Variants in FMN2 observed in about 807,000 individuals in gnomAD.
The protein encoded by FMN2 is formin-2.
Under a neutral mutation model 142.3 loss-of-function variants are expected in FMN2, and 51 were observed. The observed-to-expected ratio is 0.36, with a 90% confidence interval of 0.29 to 0.45. The LOEUF (loss-of-function observed/expected upper bound fraction) is 0.45, where lower values mean the gene tolerates loss of function less well. Among genes scored for constraint, FMN2 ranks in the 20% least tolerant of loss-of-function variants. The probability of loss-of-function intolerance (pLI) is 1.00; values close to 1 mark genes in which losing one functional copy is unlikely to be tolerated. For synonymous variants in FMN2, 882 were observed against 869.8 expected (o/e 1.01, Z -0.25); for missense variants, 1,936 against 2,122.8 (o/e 0.91, Z 1.73).
At chr1:240,148,207 G>C (rs1663571791) in intron 2 of FMN2, among the ~76,000 whole-genome samples, 1 of 148,314 alleles carries the variant, frequency 6.7e-6, no homozygotes, top group Admixed American at 7.0e-5. Flanking sequence ...GAGACAGAGA[G>C]AGAGAGACAG....
At chr1:240,119,219 C>T (rs1240101752) in intron 1 of FMN2, among the ~76,000 whole-genome samples, 2 of 151,974 alleles carry the variant, frequency 1.3e-5, no homozygotes, top group East Asian at 3.9e-4. Flanking sequence ...ATCCCGGCTA[C>T]TCAGGAGGCT....
chr1:240,231,850 C>G (rs1242932219), intron 6 of FMN2, among the ~76,000 whole-genome samples: 1 of 152,184 alleles, frequency 6.6e-6, no homozygotes, highest in African/African-American at 2.4e-5. Context: ...CCGGTCTTAT[C>G]ATCCTCTGAG....
chr1:240,404,942 C>T (rs1008580380), intron 15 of FMN2, among the ~76,000 whole-genome samples: 1 of 152,108 alleles, frequency 6.6e-6, no homozygotes, highest in Non-Finnish European at 1.5e-5. Flanking sequence ...ATAAGAGAAA[C>T]ATCAAAGAAT....
At chr1:240,389,045 A>T (rs1222916962) in intron 14 of FMN2, among the ~76,000 whole-genome samples, 1 of 152,150 alleles carries the variant, frequency 6.6e-6, no homozygotes, top group African/African-American at 2.4e-5. Flanking sequence ...TGCCATCCTG[A>T]TCATTTGAAT....
chr1:240,312,542 C>T (rs1409608569), intron 8 of FMN2, among the ~76,000 whole-genome samples: 1 of 152,094 alleles, frequency 6.6e-6, no homozygotes, highest in Non-Finnish European at 1.5e-5. Flanking sequence ...GTAAGCACTA[C>T]AAAAAACATT....
chr1:240,408,289 C>G (rs749070012), intron 15 of FMN2, among the ~76,000 whole-genome samples: 1 of 152,078 alleles, frequency 6.6e-6, no homozygotes, highest in Non-Finnish European at 1.5e-5. Context: ...ATTTGAGCAA[C>G]TAGGCCAAAC....
intron 7 of FMN2, among the ~76,000 whole-genome samples, chr1:240,268,721 C>CT (rs1668895449): frequency 6.6e-6 from 1 of 151,778 alleles, no homozygotes. Flanking sequence ...ACACTTTCAT[C>CT]TTTTTTTGCT....
chr1:240,189,174 T>TAA (rs35564573), intron 4 of FMN2, among the ~76,000 whole-genome samples: 17,735 of 146,076 alleles, frequency 0.12, 1,886 homozygotes, highest in African/African-American at 0.29. Context: ...GATTTCTTAT[T>TAA]AAAAAAAAAA....
At chr1:240,236,058 A>G (rs1667700045) in intron 6 of FMN2, among the ~76,000 whole-genome samples, 1 of 152,052 alleles carries the variant, frequency 6.6e-6, no homozygotes, top group Non-Finnish European at 1.5e-5. Context: ...CCGTTTGGAG[A>G]TAGACACAAA....
chr1:240,472,378 A>G lies in FMN2; in HGVS notation c.5067A>G (p.Lys1689=). The part of the protein sequence containing the change: ...ENKLLLQERV[K]EAEEVCRQKK... Reference sequence around the variant, plus strand: ...TGTGTCTTCTCCCCATCAGAGTAAAAGAAGCCGAAGAGGTGTGTAGACAGA... The same window carrying G: ...TGTGTCTTCTCCCCATCAGAGTAAAGGAAGCCGAAGAGGTGTGTAGACAGA... The change falls in exon 17 of 18, where the codon AAA becomes AAG. Residue 1689 remains lysine, a synonymous_variant. Transcript: ENST00000319653. 2 of 1,611,422 alleles carry G rather than the reference A, an allele frequency of 1.2e-6. No homozygotes were observed. The highest frequency in any genetic ancestry group is 1.7e-5 in the Admixed American group (1 of 59,556).
intron 6 of FMN2, among the ~76,000 whole-genome samples, chr1:240,222,466 A>T (rs189375657): frequency 1.3e-5 from 2 of 151,726 alleles, no homozygotes; most frequent in Non-Finnish European, 2.9e-5. Flanking sequence ...TGACTTGGCT[A>T]TATGGGCTCT....
At chr1:240,163,747 G>A (rs1273761986) in intron 2 of FMN2, among the ~76,000 whole-genome samples, 2 of 151,618 alleles carry the variant, frequency 1.3e-5, no homozygotes, top group African/African-American at 4.8e-5. Context: ...TTTTCTATTT[G>A]TCTTATCTGT....
chr1:240,225,060 A>G (rs897245727), intron 6 of FMN2, among the ~76,000 whole-genome samples: 40 of 152,324 alleles, frequency 2.6e-4, no homozygotes, highest in African/African-American at 9.4e-4. Flanking sequence ...AGATCTGTCT[A>G]TGGGACTATT....
At position 240,353,675 on chromosome 1, in the gene FMN2, A is replaced by G. The variant is rs73126253; in HGVS notation, c.4766-2141A>G. On this transcript the variant is annotated intron_variant, in intron 13 of 17. Coordinates refer to ENST00000319653, the MANE Select transcript of FMN2 (RefSeq NM_020066.5). ...AATGTGGGCAATCTCTTTGTAGTTC[A>G]TTTTTCGCTGATGTAAAGTAAGCAT... 9.3e-3 allele frequency among the ~76,000 whole-genome samples: 1,419 copies of G among 152,302 alleles called. 26 individuals are homozygous for G. Among genetic ancestry groups the G allele is most frequent in the African/African-American group, 0.032 (1,316 of 41,546 alleles).
Position 240,397,614 on chromosome 1 carries a change from C to T in FMN2, c.4910+5052C>T, listed in dbSNP as rs558237017. Among the ~76,000 whole-genome samples the T allele has an allele frequency of 9.2e-5, 14 of 151,828 alleles. No individual in the cohort carries two copies. In the South Asian group the frequency reaches 2.9e-3, roughly 32 times the overall value. On this transcript the variant is annotated intron_variant, in intron 15 of 17. Coordinates refer to ENST00000319653, the MANE Select transcript of FMN2 (RefSeq NM_020066.5). ...AACCAGCCTGGCCAACATGGCAAAACCCTGTCTCTACTAAAAATACAAAAA... is the reference window on the plus strand; with the variant it reads ...AACCAGCCTGGCCAACATGGCAAAATCCTGTCTCTACTAAAAATACAAAAA...
At chr1:240,306,256 T>C (rs1026324042) in intron 8 of FMN2, among the ~76,000 whole-genome samples, 2 of 152,190 alleles carry the variant, frequency 1.3e-5, no homozygotes, top group African/African-American at 4.8e-5. Context: ...CTGCTTATAG[T>C]TTTTATTTTC....
chr1:240,099,008 C>T (rs559177762), intron 1 of FMN2, among the ~76,000 whole-genome samples: 1 of 152,204 alleles, frequency 6.6e-6, no homozygotes, highest in Admixed American at 6.5e-5. Context: ...CCTAGTTTTG[C>T]TGTTTAGCTA....
intron 15 of FMN2, among the ~76,000 whole-genome samples, chr1:240,425,336 C>T (rs1674902735): frequency 1.3e-5 from 2 of 152,028 alleles, no homozygotes; most frequent in African/African-American, 2.4e-5. Context: ...AGCGAAAACT[C>T]GGTAGGTAAA....
chr1:240,203,139 G>C (rs887292277), intron 4 of FMN2, among the ~76,000 whole-genome samples: 1 of 152,058 alleles, frequency 6.6e-6, no homozygotes, highest in Non-Finnish European at 1.5e-5. Flanking sequence ...CTGGTTTTTT[G>C]GCTTCTGGTT....
Sources: allele counts gnomAD v4.1 joint callset (sites outside exome capture counted in the v4.1 genomes callset), GRCh38; gene constraint gnomAD v4.1.1; transcripts MANE v1.5; gene names NCBI Gene and HGNC (gene_info 2026-07-23, HGNC 2026-07-21).